Variants in LRSAM1 observed in about 807,000 individuals in gnomAD.
LRSAM1 encodes the protein leucine rich repeat and sterile alpha motif containing 1, also known as E3 ubiquitin-protein ligase LRSAM1.
In LRSAM1, 96 loss-of-function variants were observed where a neutral mutation model predicts 118.1. The ratio of observed to expected loss-of-function variants is 0.81; its 90% CI spans 0.69 to 0.96. The LOEUF (loss-of-function observed/expected upper bound fraction) is 0.96, where lower values mean the gene tolerates loss of function less well. LRSAM1 is among the 40% of genes least tolerant of loss of function. The probability of loss-of-function intolerance (pLI) is 0.00; values close to 1 mark genes in which losing one functional copy is unlikely to be tolerated. For synonymous variants in LRSAM1, 322 were observed against 364.2 expected, an observed-to-expected ratio of 0.88 and a Z score of 1.32; for missense variants, 804 against 915.5, an observed-to-expected ratio of 0.88 and a Z score of 1.57.
chr9:127,473,793 T>C lies in LRSAM1; in HGVS notation c.620-8T>C, dbSNP rs2132047746. On this transcript the variant is annotated splice_polypyrimidine_tract_variant and splice_region_variant and intron_variant, in intron 10 of 25. Coordinates refer to ENST00000300417, the MANE Select transcript of LRSAM1 (RefSeq NM_001005373.4). The stretch of plus-strand genomic sequence containing the variant: ...CCTCCTGGTCAGCTTGTGTCCCGTC[T>C]CTTACAGAGTCAGGGCTGGAATACT... 5.0e-6 allele frequency: 8 copies of C among 1,614,142 alleles called. No homozygotes were observed. Among genetic ancestry groups the C allele is most frequent in the Non-Finnish European group, 6.8e-6 (8 of 1,179,994 alleles).
chr9:127,454,964 C>G, intron 3 of LRSAM1, 34 bp from the exon 4 acceptor site: 1 of 1,607,186 alleles, frequency 6.2e-7, no homozygotes, highest in Non-Finnish European at 8.5e-7. Context: ...GGTGTTTTGT[C>G]TTAATACTTT....
At chr9:127,470,672 A>G (rs1295983059) in intron 10 of LRSAM1, among the ~76,000 whole-genome samples, 1 of 152,144 alleles carries the variant, frequency 6.6e-6, no homozygotes, top group Admixed American at 6.6e-5. Flanking sequence ...TGTGGATACC[A>G]CACGGCAAGT....
intron 12 of LRSAM1, 93 bp downstream of exon 12, chr9:127,479,056 C>CTCAGAATTT: frequency 7.2e-7 from 1 of 1,391,976 alleles, no homozygotes; most frequent in Non-Finnish European, 1.0e-6. Flanking sequence ...TTCTTCCCAG[C>CTCAGAATTT]TCAGAATTAG....
chr9:127,495,259 ATTG>A (rs1278002353), intron 21 of LRSAM1, 58 bp from the exon 22 acceptor site: 1 of 1,528,146 alleles, frequency 6.5e-7, no homozygotes, highest in African/African-American at 1.4e-5. Context: ...GGCAACCATC[ATTG>A]TTATTACAGG....
intron 21 of LRSAM1, among the ~76,000 whole-genome samples, chr9:127,494,271 C>T (rs978909465): frequency 3.3e-5 from 5 of 152,248 alleles, no homozygotes; most frequent in Non-Finnish European, 7.3e-5. Flanking sequence ...AAAGGGCAGT[C>T]AGGCCCAGCA....
At chr9:127,492,940 C>T (rs758288782) in intron 21 of LRSAM1, 43 bp downstream of exon 21, 11 of 1,556,812 alleles carry the variant, frequency 7.1e-6, no homozygotes, top group Non-Finnish European at 9.7e-6. Flanking sequence ...CAGGCATTTG[C>T]TTTTCTTTAA....
intron 11 of LRSAM1, among the ~76,000 whole-genome samples, chr9:127,474,278 C>CT (rs1835280714): frequency 7.2e-6 from 1 of 138,932 alleles, no homozygotes; most frequent in African/African-American, 2.7e-5. Flanking sequence ...TTTTTTTTTC[C>CT]TTTTTTTGAG....
At chr9:127,470,823 A>C (rs1169373010) in intron 10 of LRSAM1, 1 of 152,042 alleles carries the variant, frequency 6.6e-6, no homozygotes, top group East Asian at 1.9e-4. Flanking sequence ...CCTGGTCATG[A>C]GAGTGTGTTC....
At position 127,501,143 on chromosome 9, in the gene LRSAM1, G is replaced by A. The variant is rs767249563; in HGVS notation, c.2046G>A (p.Glu682=). 2.7e-5 allele frequency: 43 copies of A among 1,612,506 alleles called. No individual in the cohort carries two copies. The highest frequency in any genetic ancestry group is 2.2e-4 in the South Asian group (20 of 91,042). The change falls in exon 25 of 26, where the codon GAG becomes GAA. Residue 682 remains glutamate (E), a splice_region_variant and synonymous_variant. Coordinates refer to ENST00000300417, the MANE Select transcript of LRSAM1 (RefSeq NM_001005373.4). ...AGTGTGTCGTGTGCCTGGAACGGGA[G>A]GTAAGTCCGGGGCCCTCCCCACCCG... The part of the protein sequence containing the change: ...ASECVVCLER[E]AQMIFLNCGH...
At chr9:127,492,712 C>A in intron 20 of LRSAM1, 90 bp from the exon 21 acceptor site, 1 of 1,204,604 alleles carries the variant, frequency 8.3e-7, no homozygotes, top group Non-Finnish European at 1.2e-6. Context: ...ACCGAGTGAG[C>A]GGGAGGCCAG....
Position 127,497,315 on chromosome 9 carries a change from T to G in LRSAM1, c.1893T>G (p.Asp631Glu). 1 of 1,612,646 alleles carries G rather than the reference T, an allele frequency of 6.2e-7. No individual in the cohort carries two copies. Among genetic ancestry groups the G allele is most frequent in the Middle Eastern group, 1.6e-4 (1 of 6,062 alleles). The change falls in exon 24 of 26, where the codon GAT (aspartate) becomes GAG (glutamate). Residue 631 changes from aspartate (D) to glutamate (E), a missense_variant. Transcript: ENST00000300417. ...TCCGGAGAGTCCAGGAACTGCTGGA[T>G]GCAGCCAGGATCCAGCCAGGTACAA... ...EILRRVQELL[D>E]AARIQPELKP...
At position 127,502,951 on chromosome 9, in the gene LRSAM1, G is replaced by GC; in HGVS notation, c.*56dup. The GC allele has an allele frequency of 6.4e-7, 1 of 1,554,396 alleles. No homozygotes were observed. The highest frequency in any genetic ancestry group is 8.7e-7 in the Non-Finnish European group (1 of 1,150,694). ...CCTAGCCCTGCCTCGGCCACTGTGA[G>GC]CCCCGGGCTCCTGCTCAGCCTTGTG... On this transcript the variant is annotated 3_prime_UTR_variant, in exon 26 of 26. Transcript: ENST00000300417.
intron 14 of LRSAM1, among the ~76,000 whole-genome samples, 180 bp downstream of exon 14, chr9:127,480,158 A>G (rs1272210538): frequency 6.6e-6 from 1 of 152,212 alleles, no homozygotes; most frequent in African/African-American, 2.4e-5. Flanking sequence ...TGACCCAGTC[A>G]TTACAAAGTC....
chr9:127,467,846 T>C lies in LRSAM1; in HGVS notation c.619+16T>C. 2 of 1,564,662 alleles carry C rather than the reference T, an allele frequency of 1.3e-6. No individual in the cohort carries two copies. The highest frequency in any genetic ancestry group is 2.3e-5 in the South Asian group (2 of 85,778). ...CTCTGCAAAGGTAAAGCCAGGCCGC[T>C]GCCTCCTCCCCTCATTGAGGAACTA... On this transcript the variant is annotated intron_variant, in intron 10 of 25. Transcript: ENST00000300417.
chr9:127,482,860 A>C, intron 15 of LRSAM1, 90 bp from the exon 16 acceptor site: 1 of 1,268,126 alleles, frequency 7.9e-7, no homozygotes, highest in Non-Finnish European at 1.1e-6. Context: ...CAAATCAAGG[A>C]GGCCTTCCTG....
At chr9:127,491,602 G>A (rs1360680803) in intron 20 of LRSAM1, among the ~76,000 whole-genome samples, 10 of 152,360 alleles carry the variant, frequency 6.6e-5, no homozygotes, top group East Asian at 3.9e-4. Flanking sequence ...GTGCGGGCCC[G>A]CCGCTGAGCT....
At position 127,500,358 on chromosome 9, in the gene LRSAM1, C is replaced by CAA. The variant is rs563842364; in HGVS notation, c.1913-636_1913-635dup. On this transcript the variant is annotated intron_variant, in intron 24 of 25. Transcript: ENST00000300417. Reference sequence around the variant, plus strand: ...CCTGGGTGACAGAGCGAGACTGTCTCAAAAAAAAAAAAAAAAAGAGACTTA... The same window carrying CAA: ...CCTGGGTGACAGAGCGAGACTGTCTCAAAAAAAAAAAAAAAAAAAGAGACTTA... Among the ~76,000 whole-genome samples the CAA allele has an allele frequency of 1.8e-3, 167 of 93,534 alleles. 18 individuals are homozygous for CAA. Among genetic ancestry groups the CAA allele is most frequent in the Non-Finnish European group, 2.2e-3 (101 of 46,464 alleles). The allele number at this position is 93,534 out of a possible 152,430, so 61.4% of individuals were successfully genotyped here. A position where few individuals can be genotyped will look rare whatever the true frequency, so the allele number is the denominator to read the frequency against.
chr9:127,459,694 G>A (rs771076859), intron 7 of LRSAM1, among the ~76,000 whole-genome samples: 1 of 151,032 alleles, frequency 6.6e-6, no homozygotes, highest in African/African-American at 2.4e-5. Context: ...GAGTATCTGG[G>A]ATTACAGGCA....
At chr9:127,458,299 G>A (rs1333703193) in intron 6 of LRSAM1, among the ~76,000 whole-genome samples, 4 of 151,662 alleles carry the variant, frequency 2.6e-5, no homozygotes, top group Non-Finnish European at 2.9e-5. Context: ...GGAGAATGGC[G>A]TGAACCCGGG....
Sources: allele counts gnomAD v4.1 joint callset (sites outside exome capture counted in the v4.1 genomes callset), GRCh38; gene constraint gnomAD v4.1.1; transcripts MANE v1.5; gene names NCBI Gene and HGNC (gene_info 2026-07-23, HGNC 2026-07-21).